The following GABRB1 variants were observed in gnomAD, a reference collection of about 807,000 sequenced individuals.
The protein encoded by GABRB1 is gamma-aminobutyric acid receptor subunit beta-1.
GABRB1 carries 17 observed loss-of-function variants against 51.6 expected under a neutral mutation model. The observed-to-expected ratio is 0.33, with a 90% CI of 0.23 to 0.49. GABRB1 has a LOEUF of 0.49. Among genes scored for constraint, GABRB1 ranks in the 20% least tolerant of loss-of-function variants. The pLI, the probability that GABRB1 is intolerant of heterozygous loss-of-function variation, is 0.99. For synonymous variants in GABRB1, 247 were observed against 218.9 expected, an observed-to-expected ratio of 1.13 and a Z score of -1.14; for missense variants, 410 against 600.6, an observed-to-expected ratio of 0.68 and a Z score of 3.32.
intron 3 of GABRB1, among the ~76,000 whole-genome samples, chr4:47,107,520 C>A (rs1038341364): frequency 6.6e-6 from 1 of 152,020 alleles, no homozygotes; most frequent in Non-Finnish European, 1.5e-5. Flanking sequence ...ACAATAATGA[C>A]ATCTCAATTC....
At chr4:47,059,356 GAGA>G (rs1726751380) in intron 3 of GABRB1, among the ~76,000 whole-genome samples, 1 of 152,050 alleles carries the variant, frequency 6.6e-6, no homozygotes, top group Admixed American at 6.6e-5. Context: ...TAATTTTTTT[GAGA>G]AGGAGTCTTG....
At chr4:47,111,091 T>C (rs1715193295) in intron 3 of GABRB1, among the ~76,000 whole-genome samples, 2 of 152,210 alleles carry the variant, frequency 1.3e-5, no homozygotes, top group Non-Finnish European at 2.9e-5. Flanking sequence ...ATTGCATTAA[T>C]TTTCAGTAGT....
At chr4:47,033,064 G>A (rs1026318123) in intron 3 of GABRB1, 7 of 267,784 alleles carry the variant, frequency 2.6e-5, no homozygotes, top group African/African-American at 1.5e-4. Flanking sequence ...GCCCGAGCCT[G>A]GGTAGGCTTG....
At chr4:47,351,047 G>T (rs1726309914) in intron 5 of GABRB1, among the ~76,000 whole-genome samples, 1 of 152,188 alleles carries the variant, frequency 6.6e-6, no homozygotes, top group Non-Finnish European at 1.5e-5. Context: ...TGCTGATTTT[G>T]CAAGCTTCAC....
In GABRB1 at chr4:47,065,430, C is replaced by G. The variant is rs1206161224; in HGVS notation, c.240+32946C>G. ...TCTCAGTTCTCTCAGGATAGCTAGGCAGCTCATCACTCACAATGATAGCTC... is the reference window on the plus strand; with the variant it reads ...TCTCAGTTCTCTCAGGATAGCTAGGGAGCTCATCACTCACAATGATAGCTC... On this transcript the variant is annotated intron_variant, in intron 3 of 8. Coordinates refer to ENST00000295454, the MANE Select transcript of GABRB1 (RefSeq NM_000812.4). 2.6e-5 allele frequency among the ~76,000 whole-genome samples: 4 copies of G among 152,216 alleles called. No homozygotes were observed. The East Asian group carries it at 7.7e-4, about 29-fold the overall frequency.
intron 4 of GABRB1, among the ~76,000 whole-genome samples, chr4:47,262,599 G>A (rs7686691): frequency 2.0e-5 from 3 of 151,960 alleles, no homozygotes; most frequent in Admixed American, 2.0e-4. Flanking sequence ...GTTGGTGGGA[G>A]TGTAAACTAG....
At chr4:47,217,695 TTC>T (rs553353874) in intron 4 of GABRB1, among the ~76,000 whole-genome samples, 1 of 151,794 alleles carries the variant, frequency 6.6e-6, no homozygotes, top group Non-Finnish European at 1.5e-5. Flanking sequence ...TATTTTTTCT[TTC>T]TCTCTTTTTT....
At chr4:46,999,938 C>T (rs1724127282) in intron 1 of GABRB1, among the ~76,000 whole-genome samples, 1 of 152,220 alleles carries the variant, frequency 6.6e-6, no homozygotes, top group African/African-American at 2.4e-5. Flanking sequence ...CTCTTTCCTT[C>T]CACCAATCTC....
chr4:47,199,753 A>G (rs927143324), intron 4 of GABRB1, among the ~76,000 whole-genome samples: 1 of 152,144 alleles, frequency 6.6e-6, no homozygotes, highest in Non-Finnish European at 1.5e-5. Context: ...ACAGTTTGCT[A>G]AATCATCAGC....
At chr4:47,353,634 C>T (rs1180839858) in intron 5 of GABRB1, among the ~76,000 whole-genome samples, 1 of 152,118 alleles carries the variant, frequency 6.6e-6, no homozygotes, top group Non-Finnish European at 1.5e-5. Flanking sequence ...ATATCATTGA[C>T]TCTAGTACAC....
intron 3 of GABRB1, among the ~76,000 whole-genome samples, chr4:47,096,019 G>A (rs567321225): frequency 1.3e-5 from 2 of 152,174 alleles, no homozygotes; most frequent in Middle Eastern, 6.8e-3. Context: ...TCTATTTTAA[G>A]GACTTTTGTC....
At chr4:47,018,024 TTTC>T (rs1158321677) in intron 1 of GABRB1, among the ~76,000 whole-genome samples, 1 of 152,000 alleles carries the variant, frequency 6.6e-6, no homozygotes, top group East Asian at 1.9e-4. Context: ...TTTCTTCTTC[TTTC>T]TTCTTCTTTG....
intron 4 of GABRB1, among the ~76,000 whole-genome samples, chr4:47,293,793 A>G (rs1418548278): frequency 6.6e-6 from 1 of 152,222 alleles, no homozygotes; most frequent in African/African-American, 2.4e-5. Context: ...AAATAGTCTC[A>G]GTCCTATTAA....
At chr4:47,020,382 T>C (rs1306527257) in intron 1 of GABRB1, among the ~76,000 whole-genome samples, 2 of 152,158 alleles carry the variant, frequency 1.3e-5, no homozygotes, top group Non-Finnish European at 2.9e-5. Context: ...CTTTCAAATG[T>C]ATACTTCCAA....
At chr4:47,064,623 A>C (rs1489882203) in intron 3 of GABRB1, among the ~76,000 whole-genome samples, 2 of 136,172 alleles carry the variant, frequency 1.5e-5, no homozygotes, top group Non-Finnish European at 3.1e-5. Flanking sequence ...GGGAAATAAG[A>C]GCGAGGAGAC....
chr4:47,404,596 T>TC (rs548201373), intron 7 of GABRB1, among the ~76,000 whole-genome samples: 423 of 152,088 alleles, frequency 2.8e-3, no homozygotes, highest in Non-Finnish European at 4.5e-3. Flanking sequence ...GACTAGATGA[T>TC]CAGCATACCC....
chr4:47,167,289 T>C (rs1200592486), intron 4 of GABRB1, among the ~76,000 whole-genome samples: 1 of 152,118 alleles, frequency 6.6e-6, no homozygotes, highest in Non-Finnish European at 1.5e-5. Flanking sequence ...CATACACTTA[T>C]TCTCTCCAAG....
intron 3 of GABRB1, chr4:47,032,731 T>C (rs772458461): frequency 2.9e-6 from 2 of 696,412 alleles, no homozygotes; most frequent in Admixed American, 2.0e-5. Context: ...GAGTGACTGT[T>C]GCGCCGTGGA....
chr4:46,999,487 A>C (rs1200033630), intron 1 of GABRB1, among the ~76,000 whole-genome samples: 4 of 152,250 alleles, frequency 2.6e-5, no homozygotes, highest in Admixed American at 1.3e-4. Flanking sequence ...ATTAAATGTC[A>C]TTTAACAGGG....
Sources: allele counts gnomAD v4.1 joint callset (sites outside exome capture counted in the v4.1 genomes callset), GRCh38; gene constraint gnomAD v4.1.1; transcripts MANE v1.5; gene names NCBI Gene and HGNC (gene_info 2026-07-23, HGNC 2026-07-21).